Variants in PIK3C2G observed in about 807,000 individuals in gnomAD.
PIK3C2G encodes phosphatidylinositol-4-phosphate 3-kinase catalytic subunit type 2 gamma, also known as phosphatidylinositol 3-kinase C2 domain-containing subunit gamma.
PIK3C2G carries 168 observed loss-of-function variants against 181.1 expected under a neutral mutation model. The observed-to-expected ratio is 0.93, with a 90% CI of 0.82 to 1.05. The LOEUF (loss-of-function observed/expected upper bound fraction) is 1.05. PIK3C2G is among the 50% of genes least tolerant of loss of function. PIK3C2G has a pLI of 0.00. For synonymous variants in PIK3C2G, 573 were observed against 592.2 expected (o/e 0.97, Z 0.47); for missense variants, 1,869 against 1,732.8 (o/e 1.08, Z -1.40).
intron 17 of PIK3C2G, among the ~76,000 whole-genome samples, chr12:18,422,981 C>T (rs1945573557): frequency 1.3e-5 from 2 of 152,060 alleles, no homozygotes; most frequent in Non-Finnish European, 2.9e-5. Context: ...TCAGCACCCT[C>T]ACATCTTAGG....
At chr12:18,581,813 G>C (rs966585743) in intron 29 of PIK3C2G, among the ~76,000 whole-genome samples, 3 of 152,218 alleles carry the variant, frequency 2.0e-5, no homozygotes, top group Admixed American at 6.5e-5. Context: ...AGATTACTTA[G>C]GGTGAGAGTG....
chr12:18,485,910 G>A (rs528244416), intron 18 of PIK3C2G, among the ~76,000 whole-genome samples: 1 of 152,138 alleles, frequency 6.6e-6, no homozygotes. Context: ...AGAGGCAATG[G>A]ATAAAAACTA....
At chr12:18,390,656 A>G (rs564718148) in intron 14 of PIK3C2G, among the ~76,000 whole-genome samples, 2 of 152,270 alleles carry the variant, frequency 1.3e-5, no homozygotes, top group African/African-American at 4.8e-5. Context: ...TGATTCTCAG[A>G]CTTGCAAATT....
At chr12:18,307,219 A>G (rs1397766211) in intron 5 of PIK3C2G, among the ~76,000 whole-genome samples, 1 of 60,720 alleles carries the variant, frequency 1.6e-5, no homozygotes, top group East Asian at 1.7e-3. Context: ...AAGGGTAATT[A>G]TGGTGCTAGA....
At chr12:18,483,487 T>C (rs1242914725) in intron 18 of PIK3C2G, among the ~76,000 whole-genome samples, 1 of 152,096 alleles carries the variant, frequency 6.6e-6, no homozygotes, top group Non-Finnish European at 1.5e-5. Context: ...GTAAGCTGGA[T>C]CAAATCATTT....
chr12:18,541,058 C>T (rs1688206720), intron 25 of PIK3C2G, among the ~76,000 whole-genome samples: 1 of 151,946 alleles, frequency 6.6e-6, no homozygotes, highest in Non-Finnish European at 1.5e-5. Context: ...GTAATCTATT[C>T]ATTAATTCTG....
intron 31 of PIK3C2G, among the ~76,000 whole-genome samples, chr12:18,613,104 G>A (rs1268650318): frequency 6.6e-6 from 1 of 152,084 alleles, no homozygotes; most frequent in Non-Finnish European, 1.5e-5. Context: ...ACTTTTCCAT[G>A]TATCCGTCCT....
chr12:18,282,587 T>C lies in PIK3C2G; in HGVS notation c.506T>C (p.Ile169Thr), dbSNP rs761352788. 10 of 1,612,892 alleles carry C rather than the reference T, an allele frequency of 6.2e-6. No homozygotes were observed. The highest frequency in any genetic ancestry group is 7.6e-6 in the Non-Finnish European group (9 of 1,179,084). The change falls in exon 2 of 33, where the codon ATA becomes ACA. Residue 169 changes from isoleucine to threonine, a missense_variant. Physicochemically the swap from Ile to Thr is moderately conservative, Grantham distance 89. Coordinates refer to ENST00000538779, the MANE Select transcript of PIK3C2G (RefSeq NM_001288772.2). ...GAAAATGAAAATCATAACTACCATA[T>C]AGGATTTGAAAGTAGCATTCCTCCA... The part of the protein sequence containing the change: ...ELENENHNYH[I>T]GFESSIPPTN...
At chr12:18,675,385 A>T in the PIK3C2G span, among the ~76,000 whole-genome samples, 1 of 152,164 alleles carries the variant, frequency 6.6e-6, no homozygotes, top group African/African-American at 2.4e-5. Flanking sequence ...CTTCACATGG[A>T]TGCAGATAAA....
intron 2 of PIK3C2G, 109 bp from the exon 3 acceptor site, chr12:18,286,738 A>G: frequency 1.6e-6 from 1 of 623,874 alleles, no homozygotes; most frequent in East Asian, 3.0e-5. Flanking sequence ...AAATCTAAAA[A>G]AAATTAAAAA....
intron 11 of PIK3C2G, chr12:18,358,296 G>A (rs191528043): frequency 6.5e-6 from 1 of 152,944 alleles, no homozygotes; most frequent in East Asian, 1.9e-4. Flanking sequence ...TCCCACACTT[G>A]GCTTTATGCC....
At chr12:18,274,769 G>A (rs565235634) in intron 1 of PIK3C2G, among the ~76,000 whole-genome samples, 12 of 152,148 alleles carry the variant, frequency 7.9e-5, no homozygotes, top group East Asian at 7.8e-4. Flanking sequence ...AAACCTGCAC[G>A]TTGTGCACAT....
the PIK3C2G span, among the ~76,000 whole-genome samples, chr12:18,654,814 C>T: frequency 1.3e-5 from 2 of 152,240 alleles, no homozygotes; most frequent in Admixed American, 6.5e-5. Context: ...ACATCGAACT[C>T]ACCGACTTCA....
intron 18 of PIK3C2G, among the ~76,000 whole-genome samples, chr12:18,488,214 T>C (rs1940236866): frequency 6.6e-6 from 1 of 152,094 alleles, no homozygotes; most frequent in African/African-American, 2.4e-5. Flanking sequence ...GTGTTATGAA[T>C]TGAAATGAAG....
chr12:18,511,678 T>G (rs1942216609), intron 24 of PIK3C2G, among the ~76,000 whole-genome samples: 1 of 152,106 alleles, frequency 6.6e-6, no homozygotes, highest in South Asian at 2.1e-4. Flanking sequence ...GTTTTCTTGC[T>G]ATTAAGTTAT....
At chr12:18,723,404 G>T in the PIK3C2G span, 9 of 1,612,922 alleles carry the variant, frequency 5.6e-6, no homozygotes, top group African/African-American at 1.3e-5. Flanking sequence ...AATTGAGCCA[G>T]ATTACTTGCT....
chr12:18,587,314 T>A (rs1235585889), intron 29 of PIK3C2G, among the ~76,000 whole-genome samples: 1 of 152,210 alleles, frequency 6.6e-6, no homozygotes, highest in East Asian at 1.9e-4. Context: ...AACCCCATTG[T>A]CTCAGCCCAA....
At chr12:18,520,290 A>G (rs993847932) in intron 24 of PIK3C2G, among the ~76,000 whole-genome samples, 7 of 152,066 alleles carry the variant, frequency 4.6e-5, no homozygotes, top group Non-Finnish European at 7.4e-5. Flanking sequence ...AAAGTTCTTC[A>G]GGATAATATC....
At chr12:18,632,495 G>A (rs542695374) in intron 31 of PIK3C2G, among the ~76,000 whole-genome samples, 1 of 152,252 alleles carries the variant, frequency 6.6e-6, no homozygotes, top group Admixed American at 6.5e-5. Context: ...ATAGAAAACA[G>A]ATATGGATAC....
Sources: allele counts gnomAD v4.1 joint callset (sites outside exome capture counted in the v4.1 genomes callset), GRCh38; gene constraint gnomAD v4.1.1; transcripts MANE v1.5; gene names NCBI Gene and HGNC (gene_info 2026-07-23, HGNC 2026-07-21).